Variants in MCTP1 observed in about 807,000 individuals in gnomAD.
MCTP1 encodes multiple C2 and transmembrane domain containing 1.
MCTP1 carries 69 observed loss-of-function variants against 120.6 expected under a neutral mutation model. That is an observed-to-expected ratio of 0.57 (90% CI 0.47 to 0.70). The LOEUF (loss-of-function observed/expected upper bound fraction) is 0.70. Ranked by LOEUF, MCTP1 falls within the 30% of genes least tolerant of loss-of-function variation. The pLI, the probability that MCTP1 is intolerant of heterozygous loss-of-function variation, is 0.00. For missense variants in MCTP1, 1,203 were observed against 1,248.8 expected, an observed-to-expected ratio of 0.96 and a Z score of 0.55; for synonymous variants, 529 against 493.1, an observed-to-expected ratio of 1.07 and a Z score of -0.96.
At chr5:94,957,784 C>G (rs1823010278) in intron 2 of MCTP1, among the ~76,000 whole-genome samples, 1 of 152,192 alleles carries the variant, frequency 6.6e-6, no homozygotes, top group Non-Finnish European at 1.5e-5. Context: ...TTCTTAGAGA[C>G]CTACAAAGAG....
intron 1 of MCTP1, among the ~76,000 whole-genome samples, chr5:95,223,571 T>C (rs1001643512): frequency 6.6e-6 from 1 of 152,232 alleles, no homozygotes; most frequent in African/African-American, 2.4e-5. Flanking sequence ...GTCATTATAA[T>C]TGTTAACCAG....
At chr5:95,011,055 T>G (rs1433038145) in intron 2 of MCTP1, among the ~76,000 whole-genome samples, 7 of 152,164 alleles carry the variant, frequency 4.6e-5, no homozygotes, top group African/African-American at 1.7e-4. Context: ...GATGTCTGCA[T>G]GTCTTCTCAG....
chr5:94,922,773 C>A (rs1048757972), intron 7 of MCTP1, among the ~76,000 whole-genome samples: 6 of 152,144 alleles, frequency 3.9e-5, no homozygotes, highest in African/African-American at 1.4e-4. Context: ...CAGGCGTGAG[C>A]CACCAGGCCC....
intron 1 of MCTP1, among the ~76,000 whole-genome samples, chr5:95,278,240 C>G (rs535269962): frequency 6.6e-6 from 1 of 152,160 alleles, no homozygotes; most frequent in East Asian, 1.9e-4. Flanking sequence ...TGGTGAAGAG[C>G]AAATTAAAAT....
At chr5:95,006,752 C>T (rs1399302964) in intron 2 of MCTP1, among the ~76,000 whole-genome samples, 3 of 152,134 alleles carry the variant, frequency 2.0e-5, no homozygotes, top group African/African-American at 7.2e-5. Flanking sequence ...GTTGCATTTT[C>T]CTCCTGGGAA....
chr5:94,711,005 T>G (rs1047914527), intron 20 of MCTP1, 78 bp from the exon 21 acceptor site: 25 of 989,012 alleles, frequency 2.5e-5, no homozygotes, highest in Middle Eastern at 2.1e-4. Flanking sequence ...TGATTCTAAC[T>G]TGGGACCTAG....
chr5:95,045,678 C>G (rs1487187978), intron 1 of MCTP1, among the ~76,000 whole-genome samples: 1 of 152,132 alleles, frequency 6.6e-6, no homozygotes, highest in African/African-American at 2.4e-5. Flanking sequence ...GAGTCAAAAG[C>G]TATGGTGACC....
intron 2 of MCTP1, among the ~76,000 whole-genome samples, chr5:94,970,526 G>A (rs910012152): frequency 4.6e-5 from 7 of 151,984 alleles, no homozygotes; most frequent in African/African-American, 1.7e-4. Context: ...ATTACTTGGT[G>A]ACATTGAGCA....
chr5:95,205,748 G>T (rs182837089), intron 1 of MCTP1, among the ~76,000 whole-genome samples: 2 of 152,174 alleles, frequency 1.3e-5, no homozygotes, highest in East Asian at 3.9e-4. Flanking sequence ...TTTCTCCAAA[G>T]AAGATAAACA....
At chr5:95,108,183 A>T (rs961995422) in intron 1 of MCTP1, among the ~76,000 whole-genome samples, 7 of 152,184 alleles carry the variant, frequency 4.6e-5, no homozygotes, top group African/African-American at 1.7e-4. Context: ...TCTCCTAGTA[A>T]CAGTTTCTCT....
chr5:94,734,615 C>T (rs1189231693), intron 19 of MCTP1, among the ~76,000 whole-genome samples: 10 of 152,074 alleles, frequency 6.6e-5, no homozygotes, highest in Non-Finnish European at 7.4e-5. Context: ...TGCCACTACA[C>T]CTGGCGAATT....
intron 19 of MCTP1, among the ~76,000 whole-genome samples, chr5:94,749,222 G>A (rs1161463593): frequency 1.3e-5 from 2 of 152,158 alleles, no homozygotes; most frequent in African/African-American, 2.4e-5. Flanking sequence ...CCTTTGCACA[G>A]ACAGATGTAC....
At chr5:95,051,995 T>C (rs1746048757) in intron 1 of MCTP1, among the ~76,000 whole-genome samples, 1 of 152,056 alleles carries the variant, frequency 6.6e-6, no homozygotes, top group South Asian at 2.1e-4. Flanking sequence ...ACACAATTCA[T>C]CTATATGATA....
intron 1 of MCTP1, among the ~76,000 whole-genome samples, chr5:95,274,780 T>C (rs1582713859): frequency 1.3e-5 from 2 of 152,016 alleles, no homozygotes; most frequent in South Asian, 2.1e-4. Context: ...CCCACCACCA[T>C]GCCCGGCTAA....
rs180758775 is a variant in MCTP1 at position 94,861,945 on chromosome 5, A to G, written c.2436+6388T>C. Among the ~76,000 whole-genome samples, 595 of 151,886 alleles carry G rather than the reference A, an allele frequency of 3.9e-3. 6 individuals carry two copies. Among genetic ancestry groups the G allele is most frequent in the Non-Finnish European group, 5.5e-3 (375 of 67,820 alleles). ...CCATACAGCCAGGAAAAACACACCG[A>G]GGCTTTGGTGTCCTCCACCACGCCA... On this transcript the variant is annotated intron_variant, in intron 17 of 22. Coordinates refer to ENST00000515393, the MANE Select transcript of MCTP1 (RefSeq NM_024717.7).
intron 17 of MCTP1, chr5:94,825,991 C>T: frequency 3.5e-6 from 1 of 286,376 alleles, no homozygotes; most frequent in Non-Finnish European, 6.8e-6. Context: ...TTGATCTGGT[C>T]CTCCCTGTTG....
At chr5:94,855,918 C>T (rs748776440) in intron 17 of MCTP1, among the ~76,000 whole-genome samples, 19 of 151,532 alleles carry the variant, frequency 1.3e-4, no homozygotes, top group Middle Eastern at 3.4e-3. Flanking sequence ...TATAAACCAC[C>T]GGAAAAAATT....
rs1294551057 is a variant in MCTP1, at chr5:94,717,549, G to A, written c.2611-2663C>T. 2.0e-5 allele frequency among the ~76,000 whole-genome samples: 3 copies of A among 152,102 alleles called. No homozygotes were observed. The South Asian group carries it at 6.2e-4, about 32-fold the overall frequency. On this transcript the variant is annotated intron_variant, in intron 19 of 22. Transcript: ENST00000515393. ...CAATCAGGCAAGAGAGAGAAATAAA[G>A]GGTATTCACATAGGAACATAGGAAG...
rs766297328 is a variant in MCTP1 at position 94,909,301 on chromosome 5, A to C, written c.1602T>G (p.Asp534Glu). 1 of 1,610,594 alleles carries C rather than the reference A, an allele frequency of 6.2e-7. No individual in the cohort carries two copies. The highest frequency in any genetic ancestry group is 1.3e-5 in the African/African-American group (1 of 74,726). ...CAGCATCTTTGTCCCATGCAGTGAT[A>C]TCAATGACTCCTCCTCTTTCTTCAT... ...HLYEERGGVI[D>E]ITAWDKDAGK... Residue 534 changes from aspartate (D) to glutamate (E), a missense_variant, in exon 10 of 23, where the codon GAT (aspartate) becomes GAG (glutamate). Transcript: ENST00000515393.
Sources: allele counts gnomAD v4.1 joint callset (sites outside exome capture counted in the v4.1 genomes callset), GRCh38; gene constraint gnomAD v4.1.1; transcripts MANE v1.5; gene names NCBI Gene and HGNC (gene_info 2026-07-23, HGNC 2026-07-21).